Variants in MORN1 observed in about 807,000 individuals in gnomAD.
The protein encoded by MORN1 is MORN repeat containing 1.
In MORN1, 67 loss-of-function variants were observed where a neutral mutation model predicts 61.9. That is an observed-to-expected ratio of 1.08 (90% confidence interval 0.89 to 1.33). The LOEUF (loss-of-function observed/expected upper bound fraction) is 1.33, where lower values mean the gene tolerates loss of function less well. MORN1 is among the 40% of genes most tolerant of loss of function. The pLI is 0.00. For missense variants in MORN1, 752 were observed against 691.2 expected (o/e 1.09, Z -0.99); for synonymous variants, 301 against 292.0 (o/e 1.03, Z -0.31).
chr1:2,362,651 A>C (rs1227403395), intron 8 of MORN1, among the ~76,000 whole-genome samples: 1 of 152,212 alleles, frequency 6.6e-6, no homozygotes, highest in African/African-American at 2.4e-5. Flanking sequence ...ACCTGAGGTC[A>C]GGAGTTTGAG....
chr1:2,383,248 G>A (rs1292387155), intron 6 of MORN1, among the ~76,000 whole-genome samples: 1 of 152,248 alleles, frequency 6.6e-6, no homozygotes, highest in Non-Finnish European at 1.5e-5. Flanking sequence ...GTGGGAGGTA[G>A]TGTTTCTACT....
At chr1:2,323,910 G>A in intron 13 of MORN1, 187 bp downstream of exon 13, 1 of 970,208 alleles carries the variant, frequency 1.0e-6, no homozygotes, top group Non-Finnish European at 1.2e-6. Flanking sequence ...CAGCCCCCAA[G>A]CCACCAGCCC....
At chr1:2,340,227 G>A (rs760014244) in intron 10 of MORN1, among the ~76,000 whole-genome samples, 3 of 152,018 alleles carry the variant, frequency 2.0e-5, no homozygotes, top group South Asian at 2.1e-4. Flanking sequence ...TGGTCACCTC[G>A]CTTCCCATGG....
At chr1:2,366,819 A>G (rs191873095) in intron 8 of MORN1, among the ~76,000 whole-genome samples, 1 of 152,288 alleles carries the variant, frequency 6.6e-6, no homozygotes, top group African/African-American at 2.4e-5. Flanking sequence ...GACAGGTATG[A>G]GGCACTGCAC....
chr1:2,346,783 G>T (rs959951421), intron 10 of MORN1, among the ~76,000 whole-genome samples: 5 of 152,184 alleles, frequency 3.3e-5, no homozygotes, highest in African/African-American at 1.2e-4. Flanking sequence ...AGCCCCTCAG[G>T]GTGTTCCAGC....
In MORN1 at chr1:2,385,044, G is replaced by A. The variant is rs751204245; in HGVS notation, c.471C>T (p.Gly157=). Residue 157 remains glycine, a synonymous_variant, in exon 6 of 14, where the codon GGC becomes GGT. Coordinates refer to ENST00000378531, the MANE Select transcript of MORN1 (RefSeq NM_024848.3). Reference sequence around the variant, plus strand: ...CCTGACGCCGGTCCCGGACCCAGTCGCCGTCGTACTTGTCACCGTTCCTGG... The same window carrying A: ...CCTGACGCCGGTCCCGGACCCAGTCACCGTCGTACTTGTCACCGTTCCTGG... ...MLFQNGDKYD[G]DWVRDRRQGH... 6.3e-6 allele frequency: 10 copies of A among 1,597,146 alleles called. No homozygotes were observed. The highest frequency in any genetic ancestry group is 4.0e-5 in the African/African-American group (3 of 74,698).
In MORN1 at chr1:2,334,037, C is replaced by T. The variant is rs867966465; in HGVS notation, c.1250+2432G>A. On this transcript the variant is annotated intron_variant, in intron 12 of 13. Coordinates refer to ENST00000378531, the MANE Select transcript of MORN1 (RefSeq NM_024848.3). This position sits in a 1 kb window ranked among gnomAD's most constrained non-coding sequence, Gnocchi z 5.4. Reference sequence around the variant, plus strand: ...GGAGACCCCAGAGCTTCTTCCTCACCGCAGAGCAGACAGAAGGCATGGGGG... The same window carrying T: ...GGAGACCCCAGAGCTTCTTCCTCACTGCAGAGCAGACAGAAGGCATGGGGG... Among the ~76,000 whole-genome samples the T allele has an allele frequency of 7.9e-5, 12 of 152,236 alleles. 1 individual carries two copies. Among genetic ancestry groups the T allele is most frequent in the Middle Eastern group, 6.8e-3 (2 of 294 alleles).
Position 2,368,520 on chromosome 1 carries a change from G to A in MORN1, c.745+3961C>T, listed in dbSNP as rs137986665. On this transcript the variant is annotated intron_variant, in intron 8 of 13. Transcript: ENST00000378531. ...TGGTGATGGTAAACTGGCATGATGC[G>A]TTGGTGGGCGTGTCTTATGGAAGGC... 2.1e-4 allele frequency among the ~76,000 whole-genome samples: 32 copies of A among 152,316 alleles called. No individual in the cohort carries two copies. In the East Asian group the frequency reaches 3.1e-3, roughly 15 times the overall value.
chr1:2,341,138 C>A (rs1641386221), intron 10 of MORN1, among the ~76,000 whole-genome samples: 1 of 152,242 alleles, frequency 6.6e-6, no homozygotes, highest in Non-Finnish European at 1.5e-5. Flanking sequence ...CCTCTCCCAG[C>A]CCTGCTGTGT....
chr1:2,382,944 G>A (rs1005809395), intron 6 of MORN1, among the ~76,000 whole-genome samples: 2 of 152,126 alleles, frequency 1.3e-5, no homozygotes, highest in Non-Finnish European at 2.9e-5. Flanking sequence ...ACATGCATGC[G>A]GAGGGGAGCC....
chr1:2,325,270 T>G (rs1641000150), intron 12 of MORN1, among the ~76,000 whole-genome samples: 1 of 108,730 alleles, frequency 9.2e-6, no homozygotes, highest in Non-Finnish European at 1.8e-5. Context: ...TCTCTCTGCC[T>G]CTCTTTCTCT....
intron 12 of MORN1, among the ~76,000 whole-genome samples, chr1:2,324,963 A>G (rs1640970725): frequency 1.1e-5 from 1 of 94,988 alleles, no homozygotes; most frequent in African/African-American, 6.8e-5. Context: ...CAGTCCCTGC[A>G]CGTGAGGAAG....
intron 6 of MORN1, among the ~76,000 whole-genome samples, chr1:2,383,441 G>A (rs1431530669): frequency 1.3e-5 from 2 of 152,212 alleles, no homozygotes; most frequent in East Asian, 1.9e-4. Flanking sequence ...AGTCTCAGGA[G>A]GGTGCTGGGT....
chr1:2,365,019 G>A (rs1641969548), intron 8 of MORN1, among the ~76,000 whole-genome samples: 1 of 152,104 alleles, frequency 6.6e-6, no homozygotes, highest in African/African-American at 2.4e-5. Context: ...TGTTCTTTTG[G>A]CTTAGGATTG....
At chr1:2,321,681 C>T (rs956800871) in intron 13 of MORN1, 102 bp from the exon 14 acceptor site, 5 of 1,362,412 alleles carry the variant, frequency 3.7e-6, no homozygotes, top group Non-Finnish European at 4.8e-6. Flanking sequence ...GGCCCCTGTG[C>T]CCCCGACCCT....
chr1:2,339,980 C>A (rs775186943), intron 10 of MORN1, among the ~76,000 whole-genome samples: 1 of 152,248 alleles, frequency 6.6e-6, no homozygotes, highest in Admixed American at 6.5e-5. Flanking sequence ...GCCTCCGCCG[C>A]GCGGCTTCTC....
At chr1:2,353,359 G>T (rs1641691892) in intron 10 of MORN1, among the ~76,000 whole-genome samples, 1 of 152,228 alleles carries the variant, frequency 6.6e-6, no homozygotes, top group Admixed American at 6.5e-5. Context: ...TGGTTGTGAG[G>T]TCTTGCTTGA....
intron 8 of MORN1, chr1:2,363,769 G>GAA (rs57931639): frequency 7.3e-6 from 1 of 137,700 alleles, no homozygotes; most frequent in East Asian, 2.1e-4. Flanking sequence ...TCTCAAAAAA[G>GAA]AAAAAATCAG....
At chr1:2,354,072 G>A (rs1641708840) in intron 10 of MORN1, among the ~76,000 whole-genome samples, 1 of 151,774 alleles carries the variant, frequency 6.6e-6, no homozygotes, top group Admixed American at 6.6e-5. Context: ...ATCACGTGAG[G>A]TCAGGAGTTC....
Sources: allele counts gnomAD v4.1 joint callset (sites outside exome capture counted in the v4.1 genomes callset), GRCh38; gene constraint gnomAD v4.1.1; non-coding constraint Gnocchi (gnomAD v3.1); transcripts MANE v1.5; gene names NCBI Gene and HGNC (gene_info 2026-07-23, HGNC 2026-07-21).